Variants in AFF3 observed in about 807,000 individuals in gnomAD.
AFF3 encodes the protein ALF transcription elongation factor 3.
Under a neutral mutation model 129.7 loss-of-function variants are expected in AFF3, and 32 were observed. The ratio of observed to expected loss-of-function variants is 0.25; its 90% confidence interval spans 0.19 to 0.33. The LOEUF (loss-of-function observed/expected upper bound fraction) is 0.33, where lower values mean the gene tolerates loss of function less well. AFF3 is among the 10% of genes least tolerant of loss of function. AFF3 has a pLI of 1.00. For missense variants in AFF3, 1,373 were observed against 1,592.0 expected (o/e 0.86, Z 2.34); for synonymous variants, 644 against 635.4 (o/e 1.01, Z -0.20).
intron 4 of AFF3, among the ~76,000 whole-genome samples, chr2:100,073,107 T>G (rs1032359068): frequency 1.3e-5 from 2 of 152,200 alleles, no homozygotes; most frequent in African/African-American, 4.8e-5. Flanking sequence ...TGTTACAGGT[T>G]GAATTGTGTC....
chr2:100,028,635 G>C (rs1684240283), intron 4 of AFF3, among the ~76,000 whole-genome samples: 1 of 152,066 alleles, frequency 6.6e-6, no homozygotes. Context: ...CTATTCTTGA[G>C]ACACAGAAGA....
intron 4 of AFF3, among the ~76,000 whole-genome samples, chr2:100,052,736 G>T (rs1012842246): frequency 5.3e-5 from 8 of 152,120 alleles, no homozygotes; most frequent in African/African-American, 1.9e-4. Flanking sequence ...GTATCTGTAT[G>T]TCCAGATAGA....
chr2:100,108,908 CT>C (rs34769933), intron 2 of AFF3, among the ~76,000 whole-genome samples: 17,691 of 88,000 alleles, frequency 0.2, 1,912 homozygotes, highest in Admixed American at 0.32. Flanking sequence ...CATTTCTTTC[CT>C]TTTTTTTTTT....
intron 1 of AFF3, among the ~76,000 whole-genome samples, chr2:100,132,291 A>G (rs1011227448): frequency 2.0e-5 from 3 of 152,232 alleles, no homozygotes; most frequent in African/African-American, 7.2e-5. Flanking sequence ...ATATGAATAC[A>G]TATGTTAAAT....
At chr2:99,905,641 T>C (rs894447628) in intron 7 of AFF3, among the ~76,000 whole-genome samples, 2 of 152,188 alleles carry the variant, frequency 1.3e-5, no homozygotes, top group Non-Finnish European at 2.9e-5. Context: ...GAATTTTATA[T>C]TTCAAAAACT....
intron 4 of AFF3, among the ~76,000 whole-genome samples, chr2:100,059,406 A>G (rs937694352): frequency 1.3e-5 from 2 of 152,174 alleles, no homozygotes; most frequent in African/African-American, 2.4e-5. Context: ...ACACCACCAC[A>G]CATGTAGCAT....
intron 7 of AFF3, among the ~76,000 whole-genome samples, chr2:99,865,470 C>G (rs1691322764): frequency 6.6e-6 from 1 of 152,146 alleles, no homozygotes; most frequent in African/African-American, 2.4e-5. Flanking sequence ...TGTTTGACGA[C>G]AGAATCAGAT....
intron 13 of AFF3, among the ~76,000 whole-genome samples, chr2:99,607,540 A>G (rs1469315177): frequency 6.6e-6 from 1 of 152,166 alleles, no homozygotes; most frequent in Middle Eastern, 3.2e-3. Flanking sequence ...TCAAAAAAAA[A>G]AAAAAGACCT....
In AFF3 at chr2:100,025,930, T is replaced by C. The variant is rs554822550; in HGVS notation, c.54-16998A>G. Among the ~76,000 whole-genome samples, 28 of 152,326 alleles carry C rather than the reference T, an allele frequency of 1.8e-4. No homozygotes were observed. The East Asian group carries it at 5.4e-3, about 29-fold the overall frequency. On this transcript the variant is annotated intron_variant, in intron 4 of 24. Coordinates refer to ENST00000672756, the MANE Select transcript of AFF3 (RefSeq NM_001386135.1). ...GGATTAAGGACTTAAATCTAAGACC[T>C]GAAACTATAAAAATTCTAGAAGACA...
At chr2:100,049,070 G>C (rs1686071311) in intron 4 of AFF3, among the ~76,000 whole-genome samples, 1 of 152,160 alleles carries the variant, frequency 6.6e-6, no homozygotes, top group Non-Finnish European at 1.5e-5. Context: ...TTCAGGCAAA[G>C]ATCATTCTGC....
chr2:99,754,334 T>G (rs1681913816), intron 8 of AFF3, among the ~76,000 whole-genome samples: 1 of 152,240 alleles, frequency 6.6e-6, no homozygotes, highest in Non-Finnish European at 1.5e-5. Context: ...TAGCTTCCTT[T>G]GCAATCACTC....
chr2:99,572,273 C>A (rs1676537789), intron 18 of AFF3, among the ~76,000 whole-genome samples: 1 of 119,620 alleles, frequency 8.4e-6, no homozygotes, highest in Non-Finnish European at 1.7e-5. Flanking sequence ...GTTTTCTTTT[C>A]TTCTCTTCCC....
chr2:99,569,757 T>TA (rs2104679030), intron 18 of AFF3, among the ~76,000 whole-genome samples: 1 of 152,204 alleles, frequency 6.6e-6, no homozygotes, highest in East Asian at 1.9e-4. Flanking sequence ...GCATAAACTT[T>TA]ATATAATCAA....
rs555910469 is a variant in AFF3 at position 100,034,538 on chromosome 2, T to G, written c.54-25606A>C. On this transcript the variant is annotated intron_variant, in intron 4 of 24. Transcript: ENST00000672756. ...CCATAAAAACCTAATTTTCCCTTTT[T>G]TTTTTTAATCTGCAAAAACTAAGCT... Among the ~76,000 whole-genome samples, 4 of 152,278 alleles carry G rather than the reference T, an allele frequency of 2.6e-5. No individual in the cohort carries two copies. The East Asian group carries it at 7.7e-4, about 29-fold the overall frequency.
rs200365889 is a variant in AFF3, at chr2:99,732,163, G to A, written c.1040-5035C>T. Reference sequence around the variant, plus strand: ...AGGTCAGGAGATTGAGACCATCCTGGCTAACATGGTGAAACCCCGTCTCTA... The same window carrying A: ...AGGTCAGGAGATTGAGACCATCCTGACTAACATGGTGAAACCCCGTCTCTA... On this transcript the variant is annotated intron_variant, in intron 10 of 24. Transcript: ENST00000672756. Among the ~76,000 whole-genome samples, 16 of 152,116 alleles carry A rather than the reference G, an allele frequency of 1.1e-4. No homozygotes were observed. In the East Asian group the frequency reaches 3.1e-3, roughly 29 times the overall value.
intron 11 of AFF3, among the ~76,000 whole-genome samples, chr2:99,703,566 A>G (rs919401950): frequency 1.3e-5 from 2 of 152,084 alleles, no homozygotes; most frequent in African/African-American, 4.8e-5. Context: ...TTACATTAAA[A>G]GTAATTATTG....
At chr2:99,790,534 A>G (rs1055302664) in intron 8 of AFF3, among the ~76,000 whole-genome samples, 5 of 152,190 alleles carry the variant, frequency 3.3e-5, no homozygotes, top group Non-Finnish European at 4.4e-5. Context: ...TTACAATTTT[A>G]TTATCAATAT....
In AFF3 at chr2:100,104,455, G is replaced by C; in HGVS notation, c.-1C>G. ...GCAGGGCTAAGTCGAAGCTGTCCAT[G>C]GTGGGAGGTGTCAGCGTCGCCGCCG... is the stretch of plus-strand genomic sequence containing the variant. On this transcript the variant is annotated 5_prime_UTR_variant, in exon 4 of 25. Transcript: ENST00000672756. The C allele has an allele frequency of 1.5e-6, 2 of 1,317,038 alleles. No homozygotes were observed. Among genetic ancestry groups the C allele is most frequent in the Non-Finnish European group, 2.0e-6 (2 of 1,009,438 alleles). 81.6% of individuals were successfully genotyped at this position (1,317,038 alleles called of 1,614,324 possible). A position where few individuals can be genotyped will look rare whatever the true frequency, so the allele number is the denominator to read the frequency against.
intron 4 of AFF3, among the ~76,000 whole-genome samples, chr2:100,095,505 G>A (rs2666346): frequency 3.9e-5 from 6 of 152,296 alleles, no homozygotes; most frequent in Middle Eastern, 3.4e-3. Context: ...CTTCATCCAC[G>A]AGTTCACGTG....
Sources: allele counts gnomAD v4.1 joint callset (sites outside exome capture counted in the v4.1 genomes callset), GRCh38; gene constraint gnomAD v4.1.1; transcripts MANE v1.5; gene names NCBI Gene and HGNC (gene_info 2026-07-23, HGNC 2026-07-21).